The following EPHA2 variants were observed in gnomAD, a reference collection of about 807,000 sequenced individuals.
EPHA2 encodes the protein ephrin type-A receptor 2.
In EPHA2, 54 loss-of-function variants were observed where a neutral mutation model predicts 104.9. That is an observed-to-expected ratio of 0.51 (90% CI 0.41 to 0.65). EPHA2 has a LOEUF of 0.65. EPHA2 is among the 30% of genes least tolerant of loss of function. The pLI, the probability that EPHA2 is intolerant of heterozygous loss-of-function variation, is 0.00. For missense variants in EPHA2, 1,117 were observed against 1,369.5 expected (o/e 0.82, Z 2.91); for synonymous variants, 560 against 559.1 (o/e 1.00, Z -0.02).
intron 11 of EPHA2, 97 bp from the exon 12 acceptor site, chr1:16,132,536 G>A (rs2024594361): frequency 7.4e-7 from 1 of 1,348,662 alleles, no homozygotes; most frequent in South Asian, 1.2e-5. Context: ...GTGTAGGAGA[G>A]GTGGGCACAG....
intron 3 of EPHA2, among the ~76,000 whole-genome samples, chr1:16,146,750 C>T (rs2024942064): frequency 6.6e-6 from 1 of 152,222 alleles, no homozygotes; most frequent in African/African-American, 2.4e-5. Context: ...AAGTAAGGTT[C>T]TGAGGACTTG....
chr1:16,154,598 T>C (rs1439788216), intron 1 of EPHA2, among the ~76,000 whole-genome samples: 1 of 151,408 alleles, frequency 6.6e-6, no homozygotes, highest in Non-Finnish European at 1.5e-5. Context: ...CACTAAAAGA[T>C]GCAAAAATTA....
At chr1:16,139,871 AG>A (rs1445279197) in intron 3 of EPHA2, among the ~76,000 whole-genome samples, 1 of 152,164 alleles carries the variant, frequency 6.6e-6, no homozygotes, top group African/African-American at 2.4e-5. Context: ...GATGTGGAGA[AG>A]TCAGACCCCT....
At chr1:16,155,814 G>C (rs773825556) in intron 1 of EPHA2, 34 bp downstream of exon 1, 4 of 1,364,802 alleles carry the variant, frequency 2.9e-6, no homozygotes, top group Admixed American at 3.6e-5. Context: ...ACTGGGGCCC[G>C]GGGGCCAGGG....
chr1:16,153,853 C>T (rs963651562), intron 1 of EPHA2, among the ~76,000 whole-genome samples: 2 of 152,100 alleles, frequency 1.3e-5, no homozygotes, highest in African/African-American at 4.8e-5. Flanking sequence ...CCACCACATA[C>T]AGCCTGATTC....
rs1342594910 is a variant in EPHA2, at chr1:16,134,591, A to G, written c.1583-24T>C. The G allele has an allele frequency of 6.2e-7, 1 of 1,611,764 alleles. No individual in the cohort carries two copies. Among genetic ancestry groups the G allele is most frequent in the East Asian group, 2.2e-5 (1 of 44,812 alleles). On this transcript the variant is annotated intron_variant, in intron 7 of 16. Coordinates refer to ENST00000358432, the MANE Select transcript of EPHA2 (RefSeq NM_004431.5). This position sits in a 1 kb window ranked among gnomAD's most constrained non-coding sequence, Gnocchi z 4.5. Reference sequence around the variant, plus strand: ...GGCTGGTGGAAGAAATCAGCTGATGACAAGGGAGTTCCCCCACAAATTACA... The same window carrying G: ...GGCTGGTGGAAGAAATCAGCTGATGGCAAGGGAGTTCCCCCACAAATTACA...
chr1:16,133,432 G>C (rs764065388), intron 10 of EPHA2, 49 bp downstream of exon 10: 1 of 1,613,988 alleles, frequency 6.2e-7, no homozygotes, highest in Admixed American at 1.7e-5. Flanking sequence ...CCCACACTGT[G>C]TCACCACCGC....
At position 16,135,812 on chromosome 1, in the gene EPHA2, C is replaced by T. The variant is rs41269183; in HGVS notation, c.1313-42G>A. On this transcript the variant is annotated intron_variant, in intron 5 of 16. Coordinates refer to ENST00000358432, the MANE Select transcript of EPHA2 (RefSeq NM_004431.5). The surrounding 1 kb of genome is among the most constrained non-coding windows in gnomAD (Gnocchi z 4.3). ...GTGGGGGAAGTGGGTAAGAAGCTGC[C>T]TACGAGCAGGCAGGGTTTGGGGGGA... The T allele has an allele frequency of 8.2e-4, 847 of 1,027,176 alleles. 3 individuals are homozygous for T. Among genetic ancestry groups the T allele is most frequent in the Non-Finnish European group, 1.1e-3 (687 of 651,774 alleles). The allele number at this position is 1,027,176 out of a possible 1,614,324, so 63.6% of individuals were successfully genotyped here.
Position 16,155,955 on chromosome 1 carries a change from C to G in EPHA2, c.-23G>C. ...CATGCCGCGCTTCTCGCTCTCGGTC[C>G]GATCCCCCCGAGCCCGGCTCCCGCA... On this transcript the variant is annotated 5_prime_UTR_variant, in exon 1 of 17. Coordinates refer to ENST00000358432, the MANE Select transcript of EPHA2 (RefSeq NM_004431.5). The G allele has an allele frequency of 6.7e-7, 1 of 1,482,536 alleles. No individual in the cohort carries two copies. 91.8% of individuals were successfully genotyped at this position (1,482,536 alleles called of 1,614,324 possible).
rs758249318 is a variant in EPHA2 at position 16,137,894 on chromosome 1, C to T, written c.1271G>A (p.Ser424Asn). 6.2e-7 allele frequency: 1 copy of T among 1,613,940 alleles called. No homozygotes were observed. Among genetic ancestry groups the T allele is most frequent in the Non-Finnish European group, 8.5e-7 (1 of 1,179,994 alleles). The part of the protein sequence containing the change: ...ARNGVSGLVT[S>N]RSFRTASVSI... Reference sequence around the variant, plus strand: ...GACACTGGCAGTACGGAAGCTGCGGCTGGTTACCAGGCCTGAGACGCCATT... The same window carrying T: ...GACACTGGCAGTACGGAAGCTGCGGTTGGTTACCAGGCCTGAGACGCCATT... Residue 424 changes from serine to asparagine, a missense_variant, in exon 5 of 17, where the codon AGC becomes AAC. Physicochemically the swap from Ser to Asn is conservative, Grantham distance 46. Coordinates refer to ENST00000358432, the MANE Select transcript of EPHA2 (RefSeq NM_004431.5).
At position 16,154,627 on chromosome 1, in the gene EPHA2, C is replaced by G. The variant is rs1032528720; in HGVS notation, c.85+1221G>C. The stretch of plus-strand genomic sequence containing the variant: ...AAAATTAGACGCGCCTGGTGGCGGG[C>G]ACCTGTAATCCCAGCTACTAGGGAG... On this transcript the variant is annotated intron_variant, in intron 1 of 16. Coordinates refer to ENST00000358432, the MANE Select transcript of EPHA2 (RefSeq NM_004431.5). 3.9e-4 allele frequency among the ~76,000 whole-genome samples: 60 copies of G among 151,908 alleles called. 1 individual carries two copies. The highest frequency in any genetic ancestry group is 1.3e-3 in the African/African-American group (54 of 41,436).
At chr1:16,145,013 G>A (rs1458500608) in intron 3 of EPHA2, among the ~76,000 whole-genome samples, 1 of 152,156 alleles carries the variant, frequency 6.6e-6, no homozygotes, top group Non-Finnish European at 1.5e-5. Flanking sequence ...CCAAGGGGCT[G>A]GGCCCCTTGA....
intron 3 of EPHA2, among the ~76,000 whole-genome samples, chr1:16,145,815 T>C (rs1439886574): frequency 6.6e-6 from 1 of 152,220 alleles, no homozygotes; most frequent in Non-Finnish European, 1.5e-5. Flanking sequence ...TGGGCGCCGC[T>C]GCACCGCCTG....
rs1283419486 is a variant in EPHA2 at position 16,134,175 on chromosome 1, C to T, written c.1683-260G>A. 2.0e-5 allele frequency among the ~76,000 whole-genome samples: 3 copies of T among 152,226 alleles called. No individual in the cohort carries two copies. The highest frequency in any genetic ancestry group is 1.9e-4 in the East Asian group (1 of 5,174). ...AGAATGGCCCCTTAAGCAGTCGTGA[C>T]GAAGGCATTCCCATTAGAGCTACTC... On this transcript the variant is annotated intron_variant, in intron 8 of 16. Coordinates refer to ENST00000358432, the MANE Select transcript of EPHA2 (RefSeq NM_004431.5). This position sits in a 1 kb window ranked among gnomAD's most constrained non-coding sequence, Gnocchi z 4.5.
Position 16,155,878 on chromosome 1 carries a change from C to A in EPHA2, c.55G>T (p.Ala19Ser). The A allele has an allele frequency of 6.8e-7, 1 of 1,465,492 alleles. No individual in the cohort carries two copies. Among genetic ancestry groups the A allele is most frequent in the Non-Finnish European group, 9.0e-7 (1 of 1,115,616 alleles). The allele number at this position is 1,465,492 out of a possible 1,614,324, so 90.8% of individuals were successfully genotyped here. A position where few individuals can be genotyped will look rare whatever the true frequency, so the allele number is the denominator to read the frequency against. ...TTGCCCTGCGCCGCCGCGGCCGCGG[C>A]CAGCGCACAGCCCCACAGCAGGGCG... Reference protein sequence around the residue: ...CFALLWGCALAAAAAAQGKEV... With the variant: ...CFALLWGCALSAAAAAQGKEV... Residue 19 changes from alanine (A) to serine (S), a missense_variant, in exon 1 of 17, where the codon GCC (alanine) becomes TCC (serine). Physicochemically the swap from Ala to Ser is moderately conservative, Grantham distance 99. Around this residue, in one of 3 missense-constraint regions of EPHA2, gnomAD observed 664 missense variants for 784.8 expected, o/e 0.85. Transcript: ENST00000358432.
At chr1:16,146,782 C>G (rs1303902401) in intron 3 of EPHA2, among the ~76,000 whole-genome samples, 1 of 152,228 alleles carries the variant, frequency 6.6e-6, no homozygotes, top group Admixed American at 6.5e-5. Context: ...AAGTAGGGCC[C>G]ATCACAAAGG....
At chr1:16,154,568 A>G (rs2025111926) in intron 1 of EPHA2, among the ~76,000 whole-genome samples, 2 of 151,978 alleles carry the variant, frequency 1.3e-5, no homozygotes. Flanking sequence ...AGCCTGGCCA[A>G]CATGGTGAAA....
chr1:16,154,185 T>A (rs1315510320), intron 1 of EPHA2, among the ~76,000 whole-genome samples: 1 of 152,078 alleles, frequency 6.6e-6, no homozygotes, highest in Non-Finnish European at 1.5e-5. Flanking sequence ...CTATAGTGAT[T>A]CCAGCTGTCT....
intron 1 of EPHA2, chr1:16,153,018 G>T (rs2025072569): frequency 6.5e-6 from 4 of 616,836 alleles, no homozygotes; most frequent in South Asian, 7.2e-5. Flanking sequence ...TCTCTGGAAA[G>T]GGTGGGAGCC....
Sources: allele counts gnomAD v4.1 joint callset (sites outside exome capture counted in the v4.1 genomes callset), GRCh38; gene constraint gnomAD v4.1.1; regional missense constraint gnomAD v4.1.1; non-coding constraint Gnocchi (gnomAD v3.1); transcripts MANE v1.5; gene names NCBI Gene and HGNC (gene_info 2026-07-23, HGNC 2026-07-21).